Variants in MACROD2 observed in about 807,000 individuals in gnomAD.
MACROD2 encodes ADP-ribose glycohydrolase MACROD2.
In MACROD2, 36 loss-of-function variants were observed where a neutral mutation model predicts 70.4. That is an observed-to-expected ratio of 0.51 (90% CI 0.39 to 0.68). MACROD2 has a LOEUF of 0.68. Among genes scored for constraint, MACROD2 ranks in the 30% least tolerant of loss-of-function variants. The probability of loss-of-function intolerance (pLI) is 0.00; values close to 1 mark genes in which losing one functional copy is unlikely to be tolerated. For synonymous variants in MACROD2, 172 were observed against 178.8 expected, an observed-to-expected ratio of 0.96 and a Z score of 0.30; for missense variants, 496 against 538.4, an observed-to-expected ratio of 0.92 and a Z score of 0.78.
intron 5 of MACROD2, among the ~76,000 whole-genome samples, chr20:15,138,386 A>G (rs564322079): frequency 1.3e-5 from 2 of 152,308 alleles, no homozygotes; most frequent in African/African-American, 4.8e-5. Flanking sequence ...TTGAGAATTT[A>G]TGCATGTGAA....
At chr20:14,057,376 A>T (rs1049018271) in intron 2 of MACROD2, among the ~76,000 whole-genome samples, 1 of 152,216 alleles carries the variant, frequency 6.6e-6, no homozygotes, top group South Asian at 2.1e-4. Context: ...TATCTGACAG[A>T]TGGCTTATAT....
chr20:15,796,903 A>G (rs2063678719), intron 8 of MACROD2, among the ~76,000 whole-genome samples: 2 of 152,196 alleles, frequency 1.3e-5, no homozygotes, highest in Admixed American at 6.6e-5. Flanking sequence ...AATAACATAT[A>G]TATTTGAATG....
At chr20:15,341,532 T>A (rs1026030846) in intron 6 of MACROD2, among the ~76,000 whole-genome samples, 9 of 152,150 alleles carry the variant, frequency 5.9e-5, no homozygotes, top group Non-Finnish European at 7.4e-5. Context: ...TGAGGCCACT[T>A]TTAAAGCACA....
At chr20:15,648,742 GATGGATGGGTGA>G (rs1479797865) in intron 8 of MACROD2, among the ~76,000 whole-genome samples, 1 of 152,116 alleles carries the variant, frequency 6.6e-6, no homozygotes, top group Non-Finnish European at 1.5e-5. Context: ...TGGATGGATG[GATGGATGGGTGA>G]AAGAGTGACT....
chr20:14,983,948 C>T (rs1414372822), intron 5 of MACROD2, among the ~76,000 whole-genome samples: 1 of 152,126 alleles, frequency 6.6e-6, no homozygotes, highest in Non-Finnish European at 1.5e-5. Flanking sequence ...TAGACTAGTA[C>T]CTTTGACGTG....
intron 4 of MACROD2, among the ~76,000 whole-genome samples, chr20:14,601,821 CT>C: frequency 6.6e-6 from 1 of 152,126 alleles, no homozygotes; most frequent in East Asian, 1.9e-4. Context: ...CAACTAATTT[CT>C]AGCTTATGTC....
Position 15,185,822 on chromosome 20 carries a change from C to A in MACROD2, c.419-44118C>A, listed in dbSNP as rs570894995. Among the ~76,000 whole-genome samples the A allele has an allele frequency of 3.4e-4, 52 of 152,256 alleles. No individual in the cohort carries two copies. The South Asian group carries it at 4.6e-3, about 13-fold the overall frequency. On this transcript the variant is annotated intron_variant, in intron 5 of 17. Transcript: ENST00000684519. ...AATAAGTCTTATTCTAACAGCAATA[C>A]TAGAAGGAAATGAGTTTCCACCATT...
intron 8 of MACROD2, among the ~76,000 whole-genome samples, chr20:15,724,280 T>C (rs1487760032): frequency 6.6e-6 from 1 of 152,226 alleles, no homozygotes; most frequent in Non-Finnish European, 1.5e-5. Flanking sequence ...TTTTATGAAG[T>C]TTAGCTTATC....
chr20:16,021,143 C>T (rs1206391929), intron 15 of MACROD2, among the ~76,000 whole-genome samples: 1 of 152,130 alleles, frequency 6.6e-6, no homozygotes. Context: ...AAAAATATGA[C>T]AACACTTCCC....
chr20:14,713,419 G>A (rs2071360887), intron 5 of MACROD2, among the ~76,000 whole-genome samples: 1 of 152,154 alleles, frequency 6.6e-6, no homozygotes, highest in Non-Finnish European at 1.5e-5. Flanking sequence ...TCACTCCAGA[G>A]TCTCTTTTTT....
At chr20:15,358,654 A>G (rs922344664) in intron 6 of MACROD2, among the ~76,000 whole-genome samples, 1 of 152,188 alleles carries the variant, frequency 6.6e-6, no homozygotes, top group African/African-American at 2.4e-5. Context: ...ACAAAATACT[A>G]CAGACTGGGT....
chr20:14,079,131 C>A (rs1393148358), intron 2 of MACROD2, among the ~76,000 whole-genome samples: 1 of 152,156 alleles, frequency 6.6e-6, no homozygotes, highest in Non-Finnish European at 1.5e-5. Flanking sequence ...GATAGTTTTT[C>A]TTTTACTCTG....
At chr20:14,896,648 A>G (rs2073833444) in intron 5 of MACROD2, among the ~76,000 whole-genome samples, 1 of 144,230 alleles carries the variant, frequency 6.9e-6, no homozygotes, top group Non-Finnish European at 1.5e-5. Flanking sequence ...ATGAGTTTCC[A>G]TAAAAAAAAA....
At chr20:15,906,571 C>T (rs2065150286) in intron 10 of MACROD2, among the ~76,000 whole-genome samples, 2 of 151,772 alleles carry the variant, frequency 1.3e-5, no homozygotes, top group Admixed American at 1.3e-4. Flanking sequence ...TAAGTTTCAC[C>T]AGTTTTCCAA....
chr20:15,499,665 T>C (rs1308770504), intron 7 of MACROD2, 109 bp from the exon 8 acceptor site: 2 of 940,466 alleles, frequency 2.1e-6, no homozygotes, highest in African/African-American at 3.2e-5. Context: ...TACTTATTGG[T>C]TGAACTGAAT....
intron 6 of MACROD2, among the ~76,000 whole-genome samples, chr20:15,259,908 G>A (rs1473822599): frequency 6.6e-6 from 1 of 151,776 alleles, no homozygotes; most frequent in East Asian, 1.9e-4. Flanking sequence ...TTTCTTCTTA[G>A]GCTGCAGGTG....
At chr20:14,688,613 A>T (rs1402464049) in intron 5 of MACROD2, among the ~76,000 whole-genome samples, 1 of 152,214 alleles carries the variant, frequency 6.6e-6, no homozygotes, top group Non-Finnish European at 1.5e-5. Context: ...AGGATTGTTT[A>T]TGTAATTGGA....
chr20:14,943,208 G>A (rs1284121585), intron 5 of MACROD2, among the ~76,000 whole-genome samples: 3 of 152,186 alleles, frequency 2.0e-5, no homozygotes, highest in Non-Finnish European at 4.4e-5. Flanking sequence ...AGATATTTGC[G>A]AAGTGTAGAG....
At chr20:14,884,079 G>A (rs1343134382) in intron 5 of MACROD2, among the ~76,000 whole-genome samples, 1 of 152,134 alleles carries the variant, frequency 6.6e-6, no homozygotes, top group Non-Finnish European at 1.5e-5. Context: ...CCATAGTAAA[G>A]CACACTCTCT....
Sources: gnomAD v4.1 joint callset for allele counts (sites outside exome capture counted in the v4.1 genomes callset) on GRCh38, gnomAD v4.1.1 for gene constraint, MANE v1.5 for transcripts, NCBI Gene and HGNC (gene_info 2026-07-23, HGNC 2026-07-21) for gene names.